The following PRPF40B variants were observed in gnomAD, a reference collection of about 807,000 sequenced individuals.
PRPF40B encodes pre-mRNA processing factor 40B.
In PRPF40B, 56 loss-of-function variants were observed where a neutral mutation model predicts 124.5. The ratio of observed to expected loss-of-function variants is 0.45; its 90% CI spans 0.36 to 0.56. The LOEUF (loss-of-function observed/expected upper bound fraction) is 0.56, where lower values mean the gene tolerates loss of function less well. Among genes scored for constraint, PRPF40B ranks in the 20% least tolerant of loss-of-function variants. PRPF40B has a pLI of 0.00. For missense variants in PRPF40B, 1,053 were observed against 1,169.5 expected (o/e 0.90, Z 1.45); for synonymous variants, 443 against 426.4 (o/e 1.04, Z -0.48).
chr12:49,624,278 T>G (rs1684059100), intron 1 of PRPF40B: 2 of 647,124 alleles, frequency 3.1e-6, no homozygotes, highest in Non-Finnish European at 3.8e-6. Context: ...ATGAATAGGT[T>G]TTTGAGGAGG....
rs777177925 is a variant in PRPF40B at position 49,642,682 on chromosome 12, C to G, written c.2118+7C>G. 2 of 1,613,068 alleles carry G rather than the reference C, an allele frequency of 1.2e-6. No homozygotes were observed. The highest frequency in any genetic ancestry group is 1.7e-6 in the Non-Finnish European group (2 of 1,179,526). On this transcript the variant is annotated splice_region_variant and intron_variant, in intron 21 of 25. Coordinates refer to ENST00000548825, the MANE Select transcript of PRPF40B (RefSeq NM_001031698.3). This position sits in a 1 kb window ranked among gnomAD's most constrained non-coding sequence, Gnocchi z 5.8. The stretch of plus-strand genomic sequence containing the variant: ...GTTCCTACAGGTGCTGGAGGTGAGG[C>G]AGGCTTGTCCTCTGGATCTGCCTCA...
In PRPF40B at chr12:49,635,987, C is replaced by T. The variant is rs765896937; in HGVS notation, c.1420C>T (p.Leu474=). 3.7e-6 allele frequency: 6 copies of T among 1,614,124 alleles called. No homozygotes were observed. Among genetic ancestry groups the T allele is most frequent in the Non-Finnish European group, 4.2e-6 (5 of 1,180,000 alleles). Residue 474 remains leucine (L), a synonymous_variant, in exon 15 of 26, where the codon CTG becomes TTG. Transcript: ENST00000548825. This position sits in a 1 kb window ranked among gnomAD's most constrained non-coding sequence, Gnocchi z 4.1. The part of the protein sequence containing the change: ...DNPSFAQDHQ[L]QNMDKEDALI... ...CCCCAGCTTTGCTCAGGACCATCAG[C>T]TGCAGAGTAAGCCTGGGCCTCCAAT...
chr12:49,643,441 C>T, intron 23 of PRPF40B, 44 bp downstream of exon 23: 1 of 1,523,990 alleles, frequency 6.6e-7, no homozygotes, highest in Non-Finnish European at 8.8e-7. Flanking sequence ...ACTGTTGTCC[C>T]AGACTGAGAG....
chr12:49,633,679 C>G lies in PRPF40B; in HGVS notation c.605+18C>G. The G allele has an allele frequency of 1.9e-6, 3 of 1,614,162 alleles. No individual in the cohort carries two copies. The highest frequency in any genetic ancestry group is 1.1e-5 in the South Asian group (1 of 91,082). On this transcript the variant is annotated intron_variant, in intron 9 of 25. Transcript: ENST00000548825. ...GCTGCAGGGTGAGTGACTTGCCCAC[C>G]TATCCATTTATAGTTGGGGCACCTG...
chr12:49,630,032 A>G (rs1174036776), intron 1 of PRPF40B, among the ~76,000 whole-genome samples: 1 of 152,238 alleles, frequency 6.6e-6, no homozygotes, highest in East Asian at 1.9e-4. Context: ...GATGAGAATT[A>G]GGGAGACAAG....
chr12:49,637,774 T>C lies in PRPF40B; in HGVS notation c.1717T>C (p.Leu573=), dbSNP rs761835973. The C allele has an allele frequency of 5.6e-6, 9 of 1,603,172 alleles. No individual in the cohort carries two copies. The South Asian group carries it at 9.9e-5, about 18-fold the overall frequency. The part of the protein sequence containing the change: ...LDLFKFYVEE[L]KARFHDEKKI... ...CTTATTCAAGTTCTATGTGGAGGAG[T>C]TGAAGGCACGATTCCATGATGAAAA... is the stretch of plus-strand genomic sequence containing the variant. The change falls in exon 18 of 26, where the codon TTG becomes CTG. Residue 573 remains leucine (L), a synonymous_variant. Coordinates refer to ENST00000548825, the MANE Select transcript of PRPF40B (RefSeq NM_001031698.3).
chr12:49,630,751 G>A (rs957407501), intron 2 of PRPF40B, 126 bp downstream of exon 2: 33 of 615,090 alleles, frequency 5.4e-5, no homozygotes, highest in African/African-American at 9.3e-5. Flanking sequence ...CCTTGGAAGA[G>A]GGATGGTTTT....
Position 49,643,890 on chromosome 12 carries a change from G to A in PRPF40B, c.2472G>A (p.Glu824=). The change falls in exon 25 of 26, where the codon GAG becomes GAA. Residue 824 remains glutamate, a synonymous_variant. Coordinates refer to ENST00000548825, the MANE Select transcript of PRPF40B (RefSeq NM_001031698.3). ...GTCCTGAGAGTGAGACAGACCCTGA[G>A]GAGAAAGCTGGCAAGGAGAGCGATG... The part of the protein sequence containing the change: ...SNSPESETDP[E]EKAGKESDEK... The A allele has an allele frequency of 1.2e-6, 2 of 1,614,192 alleles. No homozygotes were observed. Among genetic ancestry groups the A allele is most frequent in the Non-Finnish European group, 1.7e-6 (2 of 1,180,030 alleles).
At chr12:49,626,070 C>T (rs1305443485) in intron 1 of PRPF40B, among the ~76,000 whole-genome samples, 4 of 152,132 alleles carry the variant, frequency 2.6e-5, no homozygotes, top group Admixed American at 2.6e-4. Flanking sequence ...TTTCTCATGC[C>T]AACATTTCAA....
intron 17 of PRPF40B, 45 bp from the exon 18 acceptor site, chr12:49,637,688 T>C: frequency 6.7e-7 from 1 of 1,501,572 alleles, no homozygotes; most frequent in Non-Finnish European, 9.1e-7. Flanking sequence ...CCCCAGGCCT[T>C]GGGAAGCTGC....
rs781184237 is a variant in PRPF40B, at chr12:49,642,603, C to A, written c.2046C>A (p.Asp682Glu). 3.7e-6 allele frequency: 6 copies of A among 1,614,242 alleles called. No homozygotes were observed. Among genetic ancestry groups the A allele is most frequent in the Middle Eastern group, 1.6e-4 (1 of 6,062 alleles). The change falls in exon 21 of 26, where the codon GAC becomes GAA. Residue 682 changes from aspartate to glutamate, a missense_variant. By Grantham distance (45) the Asp-to-Glu change is conservative (BLOSUM62 2). Transcript: ENST00000548825. This position sits in a 1 kb window ranked among gnomAD's most constrained non-coding sequence, Gnocchi z 5.8. ...AGGTCCGTGAGCGTTTTGTGTGTGA[C>A]TCAGCCTTTGAGCAGATCACCCTGG... ...WEEVRERFVC[D>E]SAFEQITLES...
chr12:49,629,408 A>G (rs1285689908), intron 1 of PRPF40B, among the ~76,000 whole-genome samples: 13 of 152,246 alleles, frequency 8.5e-5, no homozygotes, highest in Non-Finnish European at 1.9e-4. Flanking sequence ...CTGTTTTTAC[A>G]AATAATACTG....
upstream of PRPF40B, chr12:49,622,801 T>C (rs1190324817): frequency 1.3e-5 from 2 of 152,260 alleles, no homozygotes; most frequent in Non-Finnish European, 2.9e-5. Flanking sequence ...GGTCAGCGCC[T>C]TTCTGCACCC....
intron 24 of PRPF40B, 43 bp downstream of exon 24, chr12:49,643,795 G>A (rs1445630259): frequency 5.6e-6 from 9 of 1,613,632 alleles, no homozygotes; most frequent in Non-Finnish European, 6.8e-6. Flanking sequence ...TATTTTGTGA[G>A]TTCTGTTCTA....
chr12:49,633,572 G>C (rs1185678414), intron 8 of PRPF40B, 25 bp downstream of exon 8: 1 of 1,614,270 alleles, frequency 6.2e-7, no homozygotes, highest in Non-Finnish European at 8.5e-7. Flanking sequence ...GGGTGGGCCA[G>C]GTCAGGAGCT....
chr12:49,640,245 A>G (rs1410053915), intron 18 of PRPF40B: 1 of 152,252 alleles, frequency 6.6e-6, no homozygotes, highest in Non-Finnish European at 1.5e-5. Flanking sequence ...CTCATGAGAA[A>G]TATATTCTCT....
chr12:49,641,930 T>C lies in PRPF40B; in HGVS notation c.1790T>C (p.Val597Ala). 1 of 1,613,520 alleles carries C rather than the reference T, an allele frequency of 6.2e-7. No individual in the cohort carries two copies. The highest frequency in any genetic ancestry group is 1.3e-5 in the African/African-American group (1 of 75,016). Residue 597 changes from valine (V) to alanine (A), a missense_variant, in exon 19 of 26, where the codon GTG becomes GCG. Transcript: ENST00000548825. ...CAGGACCGGGGCTTCTGCGTGGAGG[T>C]GAACACGGCCTTTGAGGACTTCGCC... ...ILKDRGFCVE[V>A]NTAFEDFAHV...
chr12:49,637,058 GCAC>G (rs1941920986), intron 16 of PRPF40B: 2 of 732,636 alleles, frequency 2.7e-6, no homozygotes, highest in Non-Finnish European at 4.4e-6. Flanking sequence ...CTAGATGTAT[GCAC>G]CACCCAGAAA....
At chr12:49,637,366 T>A in intron 16 of PRPF40B, 104 bp from the exon 17 acceptor site, 1 of 745,650 alleles carries the variant, frequency 1.3e-6, no homozygotes, top group South Asian at 1.7e-5. Flanking sequence ...TTCCTCAATC[T>A]TGATTGTCCC....
Sources: gnomAD v4.1 joint callset for allele counts (sites outside exome capture counted in the v4.1 genomes callset) on GRCh38, gnomAD v4.1.1 for gene constraint, Gnocchi (gnomAD v3.1) non-coding constraint, MANE v1.5 for transcripts, NCBI Gene and HGNC (gene_info 2026-07-23, HGNC 2026-07-21) for gene names.